Variants in ALG6 observed in about 807,000 individuals in gnomAD.
ALG6 encodes the protein ALG6 alpha-1,3-glucosyltransferase.
A neutral mutation model predicts 66.6 loss-of-function variants in ALG6; 46 were observed. The ratio of observed to expected loss-of-function variants is 0.69; its 90% CI spans 0.55 to 0.88. The LOEUF (loss-of-function observed/expected upper bound fraction) is 0.88, where lower values mean the gene tolerates loss of function less well. Ranked by LOEUF, ALG6 falls within the 40% of genes least tolerant of loss-of-function variation. The pLI, the probability that ALG6 is intolerant of heterozygous loss-of-function variation, is 0.00. For missense variants in ALG6, 505 were observed against 586.8 expected, an observed-to-expected ratio of 0.86 and a Z score of 1.44; for synonymous variants, 185 against 203.7, an observed-to-expected ratio of 0.91 and a Z score of 0.78.
chr1:63,430,371 A>C (rs1644639512), intron 14 of ALG6, among the ~76,000 whole-genome samples: 2 of 152,212 alleles, frequency 1.3e-5, no homozygotes, highest in Non-Finnish European at 2.9e-5. Flanking sequence ...ATTTGTTTAC[A>C]AGGTATTGAG....
At chr1:63,372,993 T>C (rs991510491) in intron 2 of ALG6, among the ~76,000 whole-genome samples, 1 of 151,738 alleles carries the variant, frequency 6.6e-6, no homozygotes, top group Admixed American at 6.6e-5. Flanking sequence ...CACACACACA[T>C]ACATATATGT....
intron 4 of ALG6, among the ~76,000 whole-genome samples, chr1:63,403,180 G>A (rs896485899): frequency 2.0e-5 from 3 of 149,558 alleles, no homozygotes; most frequent in Non-Finnish European, 4.4e-5. Flanking sequence ...CAAGAAATGT[G>A]AAAAACCTAG....
chr1:63,389,134 A>G (rs1022960013), intron 2 of ALG6, among the ~76,000 whole-genome samples: 4 of 152,062 alleles, frequency 2.6e-5, no homozygotes, highest in African/African-American at 9.7e-5. Context: ...GAATGTTCTC[A>G]GTTATTATCC....
intron 5 of ALG6, 34 bp downstream of exon 5, chr1:63,404,575 G>T: frequency 1.3e-6 from 2 of 1,596,524 alleles, no homozygotes; most frequent in South Asian, 2.2e-5. Flanking sequence ...TATAAAATTT[G>T]ATTTTTTAAA....
At chr1:63,416,439 G>A (rs1340095596) in intron 11 of ALG6, among the ~76,000 whole-genome samples, 1 of 151,946 alleles carries the variant, frequency 6.6e-6, no homozygotes, top group Non-Finnish European at 1.5e-5. Flanking sequence ...GAAGGAAGAA[G>A]TTGAAGGTCC....
At chr1:63,410,181 C>T (rs921055907) in intron 7 of ALG6, among the ~76,000 whole-genome samples, 2 of 152,132 alleles carry the variant, frequency 1.3e-5, no homozygotes, top group African/African-American at 2.4e-5. Context: ...GTTATCACTT[C>T]TGTCTTCCAG....
chr1:63,415,741 T>C, intron 10 of ALG6, 132 bp from the exon 11 acceptor site: 1 of 568,714 alleles, frequency 1.8e-6, no homozygotes, highest in Non-Finnish European at 3.0e-6. Context: ...ATTTAATAAA[T>C]AAAAATATAG....
rs1019303152 is a variant in ALG6, at chr1:63,438,059, C to A, written c.*1039C>A. On this transcript the variant is annotated 3_prime_UTR_variant, in exon 15 of 15. Transcript: ENST00000263440. ...TCAACATTTTTTAAGGAATATATTT[C>A]TTCTTTCATAAGATAGCCATTAAAC... 1 of 151,958 alleles carries A rather than the reference C, an allele frequency of 6.6e-6. No homozygotes were observed. The highest frequency in any genetic ancestry group is 1.5e-5 in the Non-Finnish European group (1 of 67,984). 9.4% of individuals were successfully genotyped at this position (151,958 alleles called of 1,614,324 possible).
In ALG6 at chr1:63,421,911, G is replaced by A. The variant is rs1570080589; in HGVS notation, c.1058+2471G>A. ...GAGGGATAGCATTAGGGAGAAATACGTAATGTAGATGACAGGTTGATGGGT... is the reference window on the plus strand; with the variant it reads ...GAGGGATAGCATTAGGGAGAAATACATAATGTAGATGACAGGTTGATGGGT... On this transcript the variant is annotated intron_variant, in intron 12 of 14. Coordinates refer to ENST00000263440, the MANE Select transcript of ALG6 (RefSeq NM_013339.4). Among the ~76,000 whole-genome samples, 3 of 150,640 alleles carry A rather than the reference G, an allele frequency of 2.0e-5. No homozygotes were observed. In the East Asian group the frequency reaches 5.8e-4, roughly 29 times the overall value.
intron 5 of ALG6, 145 bp from the exon 6 acceptor site, chr1:63,406,172 A>G: frequency 1.4e-6 from 1 of 702,688 alleles, no homozygotes; most frequent in Admixed American, 2.2e-5. Context: ...GGGATTGAAA[A>G]GTGCTGACTG....
chr1:63,400,325 A>AAG (rs1644455609), intron 3 of ALG6, among the ~76,000 whole-genome samples: 3 of 25,680 alleles, frequency 1.2e-4, no homozygotes, highest in Admixed American at 4.5e-4. Context: ...ATATACGTAT[A>AAG]TATATATATA....
intron 2 of ALG6, among the ~76,000 whole-genome samples, chr1:63,387,344 A>T (rs962208983): frequency 6.6e-6 from 1 of 151,998 alleles, no homozygotes; most frequent in Non-Finnish European, 1.5e-5. Flanking sequence ...TTCTGTCTGG[A>T]TGATTTGTCC....
intron 12 of ALG6, among the ~76,000 whole-genome samples, chr1:63,420,692 C>T (rs1644568553): frequency 6.6e-6 from 1 of 151,858 alleles, no homozygotes; most frequent in South Asian, 2.1e-4. Context: ...AACCCTGTCT[C>T]TACTAAAAAT....
intron 5 of ALG6, 29 bp from the exon 6 acceptor site, chr1:63,406,288 T>C (rs1004367012): frequency 6.3e-7 from 1 of 1,587,886 alleles, no homozygotes; most frequent in Admixed American, 1.7e-5. Context: ...GATGGACTCA[T>C]GTTTAAAGTT....
intron 10 of ALG6, among the ~76,000 whole-genome samples, chr1:63,414,816 A>G (rs1019810329): frequency 2.6e-5 from 4 of 152,176 alleles, no homozygotes; most frequent in Admixed American, 2.6e-4. Context: ...TGGCTTATAC[A>G]GTTGTAGGGC....
At chr1:63,394,001 G>C (rs567327109) in intron 2 of ALG6, among the ~76,000 whole-genome samples, 1 of 152,328 alleles carries the variant, frequency 6.6e-6, no homozygotes, top group South Asian at 2.1e-4. Context: ...ATGTATATAT[G>C]CTATAGAAAA....
Position 63,402,197 on chromosome 1 carries a change from T to G in ALG6, c.168-57T>G, listed in dbSNP as rs983904777. 5 of 1,032,170 alleles carry G rather than the reference T, an allele frequency of 4.8e-6. No homozygotes were observed. The African/African-American group carries it at 6.3e-5, about 13-fold the overall frequency. The allele number at this position is 1,032,170 out of a possible 1,614,324, so 63.9% of individuals were successfully genotyped here. A position where few individuals can be genotyped will look rare whatever the true frequency, so the allele number is the denominator to read the frequency against. On this transcript the variant is annotated intron_variant, in intron 3 of 14. Transcript: ENST00000263440. ...GTGAGGTGCAATGTTAAATTATAAG[T>G]CTACTTCTTGAATATTGATTAACGG...
chr1:63,424,602 T>G (rs894410134), intron 12 of ALG6, among the ~76,000 whole-genome samples: 2 of 152,030 alleles, frequency 1.3e-5, no homozygotes, highest in Non-Finnish European at 2.9e-5. Context: ...TGCACAAAAG[T>G]TTTTAATTTT....
chr1:63,406,235 A>T lies in ALG6; in HGVS notation c.347-82A>T, dbSNP rs1439472045. On this transcript the variant is annotated intron_variant, in intron 5 of 14. Coordinates refer to ENST00000263440, the MANE Select transcript of ALG6 (RefSeq NM_013339.4). ...AGAACCTTGTGTTAATGAATTCTCA[A>T]TGTTGGAGGAAGGGAGGCAGTTAAT... 3.3e-6 allele frequency: 4 copies of T among 1,215,354 alleles called. No homozygotes were observed. The African/African-American group carries it at 5.9e-5, about 18-fold the overall frequency. 75.3% of individuals were successfully genotyped at this position (1,215,354 alleles called of 1,614,324 possible).
Sources: allele counts gnomAD v4.1 joint callset (sites outside exome capture counted in the v4.1 genomes callset), GRCh38; gene constraint gnomAD v4.1.1; transcripts MANE v1.5; gene names NCBI Gene and HGNC (gene_info 2026-07-23, HGNC 2026-07-21).